Variants in GRID1 observed in about 807,000 individuals in gnomAD.
The protein encoded by GRID1 is glutamate receptor ionotropic, delta-1.
A neutral mutation model predicts 98.0 loss-of-function variants in GRID1; 28 were observed. The observed-to-expected ratio is 0.29, with a 90% CI of 0.21 to 0.39. The LOEUF (loss-of-function observed/expected upper bound fraction) is 0.39, where lower values mean the gene tolerates loss of function less well. GRID1 is among the 10% of genes least tolerant of loss of function. The pLI is 1.00. For synonymous variants in GRID1, 553 were observed against 538.5 expected (o/e 1.03, Z -0.37); for missense variants, 1,111 against 1,340.5 (o/e 0.83, Z 2.67).
chr10:85,737,673 T>TATATATATATATATATATATATATATA (rs1342754070), intron 8 of GRID1, among the ~76,000 whole-genome samples: 1 of 113,054 alleles, frequency 8.8e-6, no homozygotes. Context: ...TATATATATA[T>TATATATATATATATATATATATATATA]AAACATATAT....
intron 5 of GRID1, among the ~76,000 whole-genome samples, chr10:85,907,317 G>A (rs143048694): frequency 1.3e-5 from 2 of 152,064 alleles, no homozygotes; most frequent in Non-Finnish European, 2.9e-5. Flanking sequence ...TCGCCATGTT[G>A]GCCAGGCTGG....
chr10:86,228,861 G>T (rs1349141281), intron 2 of GRID1, among the ~76,000 whole-genome samples: 1 of 152,164 alleles, frequency 6.6e-6, no homozygotes, highest in South Asian at 2.1e-4. Flanking sequence ...GGGACCCCAG[G>T]AGGGACCCCT....
At chr10:86,347,809 T>C (rs560987209) in intron 2 of GRID1, among the ~76,000 whole-genome samples, 2 of 152,318 alleles carry the variant, frequency 1.3e-5, no homozygotes, top group East Asian at 3.9e-4. Flanking sequence ...ATGACTCACA[T>C]GGAGGGTGAT....
Position 85,599,802 on chromosome 10 carries a change from A to AAATAT in GRID1, c.*2470_*2471insATATT. 1.2e-4 allele frequency: 8 copies of AAATAT among 64,976 alleles called. No individual in the cohort carries two copies. Among genetic ancestry groups the AAATAT allele is most frequent in the Admixed American group, 6.8e-4 (4 of 5,844 alleles). The allele number at this position is 64,976 out of a possible 1,614,324, so 4.0% of individuals were successfully genotyped here. ...GTAGAAAATTCTAAAAAAAAAAAAA[A>AAATAT]ATATATATATATATATATAAACATG... On this transcript the variant is annotated 3_prime_UTR_variant, in exon 16 of 16. Transcript: ENST00000327946.
At chr10:85,826,530 G>A (rs1245019868) in intron 8 of GRID1, among the ~76,000 whole-genome samples, 1 of 152,090 alleles carries the variant, frequency 6.6e-6, no homozygotes, top group Non-Finnish European at 1.5e-5. Context: ...GTTGTTGCGG[G>A]CGTAAGCATG....
In GRID1 at chr10:86,270,416, G is replaced by A. The variant is rs139200826; in HGVS notation, c.236-63768C>T. Among the ~76,000 whole-genome samples the A allele has an allele frequency of 5.1e-3, 780 of 151,962 alleles. 14 individuals carry two copies. The highest frequency in any genetic ancestry group is 0.018 in the African/African-American group (729 of 41,402). The stretch of plus-strand genomic sequence containing the variant: ...AAAAATAATAATAATTGGTCCAGGC[G>A]CAGTGGCTCATGCCTGTAATCCCAG... On this transcript the variant is annotated intron_variant, in intron 2 of 15. Transcript: ENST00000327946.
chr10:85,766,879 A>G (rs1842203348), intron 8 of GRID1, among the ~76,000 whole-genome samples: 1 of 152,030 alleles, frequency 6.6e-6, no homozygotes. Flanking sequence ...TCACAATTTC[A>G]TATTCTTTTC....
At chr10:85,644,633 T>C (rs1261642372) in intron 13 of GRID1, among the ~76,000 whole-genome samples, 1 of 152,222 alleles carries the variant, frequency 6.6e-6, no homozygotes, top group Non-Finnish European at 1.5e-5. Context: ...GAAGTGCTAC[T>C]ATGGCCTTTC....
intron 4 of GRID1, among the ~76,000 whole-genome samples, chr10:86,089,076 A>T (rs1193626691): frequency 6.6e-6 from 1 of 151,802 alleles, no homozygotes; most frequent in Non-Finnish European, 1.5e-5. Flanking sequence ...CAGATCCCAG[A>T]CTCCCCATCT....
At chr10:85,760,616 G>A (rs772775718) in intron 8 of GRID1, among the ~76,000 whole-genome samples, 1 of 151,908 alleles carries the variant, frequency 6.6e-6, no homozygotes, top group Non-Finnish European at 1.5e-5. Context: ...ATATGAGACT[G>A]GTCACACACA....
intron 5 of GRID1, among the ~76,000 whole-genome samples, chr10:85,895,016 A>AAATAT (rs766551035): frequency 1.4e-3 from 134 of 97,100 alleles, no homozygotes; most frequent in East Asian, 4.7e-3. Context: ...AAAAAAAAAA[A>AAATAT]ATATATATAT....
intron 5 of GRID1, among the ~76,000 whole-genome samples, chr10:85,910,389 G>A (rs985439752): frequency 1.3e-5 from 2 of 152,166 alleles, no homozygotes; most frequent in Non-Finnish European, 2.9e-5. Context: ...TATATGTGGT[G>A]CATAATCTTA....
rs189776629 is a variant in GRID1 at position 86,115,123 on chromosome 10, C to T, written c.726+23696G>A. Among the ~76,000 whole-genome samples the T allele has an allele frequency of 1.6e-3, 251 of 152,184 alleles. 1 individual carries two copies. The highest frequency in any genetic ancestry group is 5.8e-3 in the African/African-American group (240 of 41,508). On this transcript the variant is annotated intron_variant, in intron 4 of 15. Transcript: ENST00000327946. ...ATACCTGGAGAGTTTGGGGAGATGGCGGCTTGTGAGAGACAAGGGGAAGAG... is the reference window on the plus strand; with the variant it reads ...ATACCTGGAGAGTTTGGGGAGATGGTGGCTTGTGAGAGACAAGGGGAAGAG...
intron 3 of GRID1, among the ~76,000 whole-genome samples, chr10:86,173,255 T>C (rs902829097): frequency 2.6e-5 from 4 of 152,286 alleles, no homozygotes; most frequent in Non-Finnish European, 5.9e-5. Flanking sequence ...CCCAGGCTGG[T>C]CTCAAATTCC....
At chr10:85,774,481 T>A (rs964913643) in intron 8 of GRID1, among the ~76,000 whole-genome samples, 1 of 151,514 alleles carries the variant, frequency 6.6e-6, no homozygotes, top group Non-Finnish European at 1.5e-5. Context: ...AAATGGAATC[T>A]AATTAAACTA....
Position 85,869,316 on chromosome 10 carries a change from G to C in GRID1, c.781-136C>G, listed in dbSNP as rs1265857159. ...CAAGGGATTGGGCCCAGGTCACACA[G>C]TTCATTAGTTGCTTATTCACAAATA... On this transcript the variant is annotated intron_variant, in intron 5 of 15. Transcript: ENST00000327946. 12 of 679,360 alleles carry C rather than the reference G, an allele frequency of 1.8e-5. No individual in the cohort carries two copies. The Admixed American group carries it at 1.9e-4, about 11-fold the overall frequency. 42.1% of individuals were successfully genotyped at this position (679,360 alleles called of 1,614,324 possible).
chr10:86,130,942 C>G (rs115679160), intron 4 of GRID1, among the ~76,000 whole-genome samples: 1 of 152,306 alleles, frequency 6.6e-6, no homozygotes, highest in Admixed American at 6.5e-5. Flanking sequence ...TGCGTGCCCC[C>G]CATCCCGTAA....
intron 8 of GRID1, among the ~76,000 whole-genome samples, chr10:85,733,517 A>G (rs1208906376): frequency 6.6e-6 from 1 of 152,242 alleles, no homozygotes; most frequent in Non-Finnish European, 1.5e-5. Context: ...GACCTCAGAT[A>G]GCACTTGACA....
At chr10:85,775,848 A>G (rs1842325735) in intron 8 of GRID1, among the ~76,000 whole-genome samples, 1 of 152,236 alleles carries the variant, frequency 6.6e-6, no homozygotes, top group South Asian at 2.1e-4. Flanking sequence ...AGTGAGGACT[A>G]AACACAAAAG....
Sources: allele counts gnomAD v4.1 joint callset (sites outside exome capture counted in the v4.1 genomes callset), GRCh38; gene constraint gnomAD v4.1.1; transcripts MANE v1.5; gene names NCBI Gene and HGNC (gene_info 2026-07-23, HGNC 2026-07-21).